The following OSBPL3 variants were observed in gnomAD, a reference collection of about 807,000 sequenced individuals.
The protein encoded by OSBPL3 is oxysterol-binding protein-related protein 3.
A neutral mutation model predicts 120.1 loss-of-function variants in OSBPL3; 65 were observed. The observed-to-expected ratio is 0.54, with a 90% CI of 0.44 to 0.67. The LOEUF is 0.67. OSBPL3 is among the 30% of genes least tolerant of loss of function. The probability of loss-of-function intolerance (pLI) is 0.00; values close to 1 mark genes in which losing one functional copy is unlikely to be tolerated. For synonymous variants in OSBPL3, 416 were observed against 402.6 expected (o/e 1.03, Z -0.40); for missense variants, 1,004 against 1,082.1 (o/e 0.93, Z 1.01).
chr7:24,800,424 GA>G (rs1252680551), intron 22 of OSBPL3, 145 bp from the exon 23 acceptor site: 7 of 485,560 alleles, frequency 1.4e-5, no homozygotes, highest in Non-Finnish European at 2.6e-5. Context: ...GGAATTCTGG[GA>G]ATTAGATGTC....
At position 24,933,368 on chromosome 7, in the gene OSBPL3, C is replaced by T. The variant is rs571727619; in HGVS notation, c.-149-40747G>A. Among the ~76,000 whole-genome samples, 3 of 152,158 alleles carry T rather than the reference C, an allele frequency of 2.0e-5. No homozygotes were observed. Among genetic ancestry groups the T allele is most frequent in the Non-Finnish European group, 4.4e-5 (3 of 68,022 alleles). ...AAAAGCAACCTTGCCAACATACACC[C>T]TTTAGAACATTTTCTCTCTCAATGG... On this transcript the variant is annotated intron_variant, in intron 1 of 22. Coordinates refer to ENST00000313367, the MANE Select transcript of OSBPL3 (RefSeq NM_015550.4). This position sits in a 1 kb window ranked among gnomAD's most constrained non-coding sequence, Gnocchi z 5.1.
chr7:24,980,551 T>G (rs970575925), upstream of OSBPL3, among the ~76,000 whole-genome samples: 1 of 150,060 alleles, frequency 6.7e-6, no homozygotes, highest in African/African-American at 2.5e-5. Context: ...GAGGAAAAAG[T>G]GAGGGCAGCG....
intron 5 of OSBPL3, among the ~76,000 whole-genome samples, chr7:24,869,500 T>C (rs1801812531): frequency 6.6e-6 from 1 of 152,190 alleles, no homozygotes; most frequent in Admixed American, 6.5e-5. Flanking sequence ...AGGGGTGATT[T>C]TATCCTCTAG....
intron 13 of OSBPL3, among the ~76,000 whole-genome samples, chr7:24,841,189 A>G (rs1189085260): frequency 6.6e-6 from 1 of 152,228 alleles, no homozygotes; most frequent in African/African-American, 2.4e-5. Context: ...AAGGGGTAAC[A>G]TTATTAGTAC....
intron 1 of OSBPL3, among the ~76,000 whole-genome samples, chr7:24,976,143 A>G (rs752072862): frequency 6.6e-6 from 1 of 152,232 alleles, no homozygotes; most frequent in Non-Finnish European, 1.5e-5. Flanking sequence ...AACTTTTCCT[A>G]GCCTCATCTG....
At chr7:24,943,351 C>G (rs1428925364) in intron 1 of OSBPL3, among the ~76,000 whole-genome samples, 5 of 152,140 alleles carry the variant, frequency 3.3e-5, no homozygotes, top group Admixed American at 3.3e-4. Context: ...TATGAGGCAG[C>G]CTGTACATAT....
rs1814996607 is a variant in OSBPL3, at chr7:24,955,957, C to A, written c.-150+23929G>T. 6.6e-6 allele frequency among the ~76,000 whole-genome samples: 1 copy of A among 152,216 alleles called. No individual in the cohort carries two copies. Among genetic ancestry groups the A allele is most frequent in the African/African-American group, 2.4e-5 (1 of 41,444 alleles). On this transcript the variant is annotated intron_variant, in intron 1 of 22. Coordinates refer to ENST00000313367, the MANE Select transcript of OSBPL3 (RefSeq NM_015550.4). This position sits in a 1 kb window ranked among gnomAD's most constrained non-coding sequence, Gnocchi z 4.3. ...CTAGTTCTTGGTCCTGCTGAGGAAA[C>A]CCTATGAGTTTCTCATTTGTAGCTA... is the stretch of plus-strand genomic sequence containing the variant.
intron 1 of OSBPL3, among the ~76,000 whole-genome samples, chr7:24,929,572 T>C (rs1811524405): frequency 6.6e-6 from 1 of 152,038 alleles, no homozygotes; most frequent in Non-Finnish European, 1.5e-5. Flanking sequence ...TATATTCTAT[T>C]TCATGCTATA....
intron 1 of OSBPL3, among the ~76,000 whole-genome samples, chr7:24,914,997 T>TA (rs1284269093): frequency 2.0e-5 from 3 of 152,048 alleles, no homozygotes; most frequent in Middle Eastern, 3.2e-3. Context: ...AGTTATCAGT[T>TA]AAAAAAAATC....
chr7:24,810,064 CA>C (rs1317641970), intron 19 of OSBPL3, 113 bp from the exon 20 acceptor site: 18 of 1,118,032 alleles, frequency 1.6e-5, no homozygotes, highest in Admixed American at 4.5e-5. Flanking sequence ...CTCCATACTG[CA>C]TATTAGTTTG....
In OSBPL3 at chr7:24,821,522, T is replaced by C. The variant is rs1795135610; in HGVS notation, c.1885-1284A>G. Among the ~76,000 whole-genome samples, 1 of 152,140 alleles carries C rather than the reference T, an allele frequency of 6.6e-6. No individual in the cohort carries two copies. Among genetic ancestry groups the C allele is most frequent in the African/African-American group, 2.4e-5 (1 of 41,432 alleles). On this transcript the variant is annotated intron_variant, in intron 16 of 22. Transcript: ENST00000313367. The surrounding 1 kb of genome is among the most constrained non-coding windows in gnomAD (Gnocchi z 5.5). Reference sequence around the variant, plus strand: ...AGGAACATGGTTTGAAAACTACTTCTGTATGCCAGGCCTCCAGCAGGAGGA... The same window carrying C: ...AGGAACATGGTTTGAAAACTACTTCCGTATGCCAGGCCTCCAGCAGGAGGA...
chr7:24,877,588 G>C lies in OSBPL3; in HGVS notation c.97-5519C>G, dbSNP rs142660503. On this transcript the variant is annotated intron_variant, in intron 2 of 22. Transcript: ENST00000313367. The surrounding 1 kb of genome is among the most constrained non-coding windows in gnomAD (Gnocchi z 4.8). ...TCCTACTACCTGGGAAATAGGGGCC[G>C]AAATAAATGTTTACTGAATGAGTCT... 4.6e-5 allele frequency among the ~76,000 whole-genome samples: 7 copies of C among 152,122 alleles called. No individual in the cohort carries two copies. Among genetic ancestry groups the C allele is most frequent in the African/African-American group, 1.7e-4 (7 of 41,414 alleles).
At position 24,819,670 on chromosome 7, in the gene OSBPL3, C is replaced by CT. The variant is rs113527986; in HGVS notation, c.1948+504dup. On this transcript the variant is annotated intron_variant, in intron 17 of 22. Transcript: ENST00000313367. The surrounding 1 kb of genome is among the most constrained non-coding windows in gnomAD (Gnocchi z 4.1). ...GCTTATATGTTCCTTCTACAGTACACTTTTTTTTAATAAATTGAGAGATTA... is the reference window on the plus strand; with the variant it reads ...GCTTATATGTTCCTTCTACAGTACACTTTTTTTTTAATAAATTGAGAGATTA... Among the ~76,000 whole-genome samples the CT allele has an allele frequency of 9.1e-3, 1,382 of 151,962 alleles. 25 individuals carry two copies. Among genetic ancestry groups the CT allele is most frequent in the African/African-American group, 0.03 (1,260 of 41,432 alleles).
intron 1 of OSBPL3, among the ~76,000 whole-genome samples, chr7:24,944,221 C>T (rs551843613): frequency 3.9e-5 from 6 of 152,236 alleles, no homozygotes; most frequent in African/African-American, 1.2e-4. Context: ...GTAACACCTC[C>T]TAAAGTTATT....
rs1800703461 is a variant in OSBPL3, at chr7:24,862,474, C to T, written c.871-705G>A. 6.6e-6 allele frequency among the ~76,000 whole-genome samples: 1 copy of T among 152,168 alleles called. No homozygotes were observed. Among genetic ancestry groups the T allele is most frequent in the Non-Finnish European group, 1.5e-5 (1 of 68,026 alleles). ...CTTTGCACCTAGGGCTTCTACAAAA[C>T]AAATGACCTTCATTTGTACATGGAA... On this transcript the variant is annotated intron_variant, in intron 9 of 22. Transcript: ENST00000313367. This position sits in a 1 kb window ranked among gnomAD's most constrained non-coding sequence, Gnocchi z 4.4.
chr7:24,953,942 A>G lies in OSBPL3; in HGVS notation c.-150+25944T>C, dbSNP rs2710998. On this transcript the variant is annotated intron_variant, in intron 1 of 22. Transcript: ENST00000313367. This position sits in a 1 kb window ranked among gnomAD's most constrained non-coding sequence, Gnocchi z 4.3. ...ACAATGATGATCAACAGTCTGGAAC[A>G]CTTTCTCAATCACCAGATGAACCTT... 0.21 allele frequency among the ~76,000 whole-genome samples: 31,927 copies of G among 152,126 alleles called. 4,383 individuals are homozygous for G. The highest frequency in any genetic ancestry group is 0.59 in the East Asian group (3,056 of 5,156).
At chr7:24,836,949 C>T (rs1337649534) in intron 14 of OSBPL3, among the ~76,000 whole-genome samples, 1 of 152,178 alleles carries the variant, frequency 6.6e-6, no homozygotes, top group Non-Finnish European at 1.5e-5. Context: ...ATCTTCCTGC[C>T]TCAGCCTCCC....
intron 14 of OSBPL3, among the ~76,000 whole-genome samples, chr7:24,838,005 G>T (rs891834088): frequency 6.6e-6 from 1 of 152,146 alleles, no homozygotes; most frequent in Non-Finnish European, 1.5e-5. Flanking sequence ...CAAGATCTTG[G>T]TCCTAACACA....
At chr7:24,960,307 C>A (rs1333350467) in intron 1 of OSBPL3, among the ~76,000 whole-genome samples, 3 of 152,094 alleles carry the variant, frequency 2.0e-5, no homozygotes, top group African/African-American at 7.2e-5. Flanking sequence ...GCATGCCCCG[C>A]TAGTGTGGTA....
Sources: allele counts gnomAD v4.1 joint callset (sites outside exome capture counted in the v4.1 genomes callset), GRCh38; gene constraint gnomAD v4.1.1; non-coding constraint Gnocchi (gnomAD v3.1); transcripts MANE v1.5; gene names NCBI Gene and HGNC (gene_info 2026-07-23, HGNC 2026-07-21).